The following ATP6V1H variants were observed in gnomAD, a reference collection of about 807,000 sequenced individuals.
The protein encoded by ATP6V1H is V-type proton ATPase subunit H.
ATP6V1H carries 39 observed loss-of-function variants against 71.7 expected under a neutral mutation model. The ratio of observed to expected loss-of-function variants is 0.54; its 90% CI spans 0.42 to 0.71. ATP6V1H has a LOEUF of 0.71. ATP6V1H is among the 30% of genes least tolerant of loss of function. ATP6V1H has a pLI of 0.00. For synonymous variants in ATP6V1H, 192 were observed against 199.3 expected (o/e 0.96, Z 0.31); for missense variants, 509 against 594.9 (o/e 0.86, Z 1.50).
chr8:53,803,084 C>G (rs1309105014), intron 7 of ATP6V1H, among the ~76,000 whole-genome samples: 1 of 152,182 alleles, frequency 6.6e-6, no homozygotes, highest in African/African-American at 2.4e-5. Context: ...CGCCTGTGAT[C>G]CCAGCACTTT....
chr8:53,733,716 A>C (rs1395736467), intron 13 of ATP6V1H, among the ~76,000 whole-genome samples: 2 of 152,162 alleles, frequency 1.3e-5, no homozygotes, highest in Non-Finnish European at 1.5e-5. Context: ...ATGGATCCCA[A>C]ACTTGGCAGT....
chr8:53,769,873 C>T (rs1005294910), intron 10 of ATP6V1H, 130 bp from the exon 11 acceptor site: 2 of 739,254 alleles, frequency 2.7e-6, no homozygotes, highest in Middle Eastern at 3.8e-4. Context: ...TAAAAAACTA[C>T]CACCAAACGA....
At chr8:53,830,742 GA>G (rs1202820698) in intron 3 of ATP6V1H, among the ~76,000 whole-genome samples, 1 of 151,870 alleles carries the variant, frequency 6.6e-6, no homozygotes, top group East Asian at 1.9e-4. Context: ...AAAAAAATGA[GA>G]AAAAAAGAAA....
chr8:53,833,140 G>T, intron 2 of ATP6V1H, 54 bp from the exon 3 acceptor site: 7 of 1,417,006 alleles, frequency 4.9e-6, no homozygotes, highest in Non-Finnish European at 6.9e-6. Context: ...ATGTAAGCAA[G>T]CGATAGAGGA....
intron 4 of ATP6V1H, among the ~76,000 whole-genome samples, chr8:53,822,681 G>C (rs914056919): frequency 1.3e-5 from 2 of 151,958 alleles, no homozygotes; most frequent in African/African-American, 2.4e-5. Context: ...CATAAATGTG[G>C]ATGGTTTAAT....
intron 13 of ATP6V1H, among the ~76,000 whole-genome samples, chr8:53,726,064 A>C (rs1563437301): frequency 6.6e-6 from 1 of 152,130 alleles, no homozygotes. Context: ...ATTCCATTAA[A>C]AACATTAATA....
At chr8:53,827,419 T>C (rs759814079) in intron 4 of ATP6V1H, among the ~76,000 whole-genome samples, 2 of 151,676 alleles carry the variant, frequency 1.3e-5, no homozygotes, top group Admixed American at 6.6e-5. Context: ...AATAATGAAA[T>C]GCACAAGGAT....
At chr8:53,773,712 C>A (rs1336822703) in intron 9 of ATP6V1H, among the ~76,000 whole-genome samples, 2 of 152,168 alleles carry the variant, frequency 1.3e-5, no homozygotes, top group Non-Finnish European at 2.9e-5. Context: ...CTGAATACAG[C>A]TCCAGAATGA....
chr8:53,752,465 C>T (rs1162604413), intron 12 of ATP6V1H, among the ~76,000 whole-genome samples: 1 of 152,234 alleles, frequency 6.6e-6, no homozygotes, highest in African/African-American at 2.4e-5. Context: ...CTCTTGTAGC[C>T]ATTCCTGCCA....
At position 53,772,964 on chromosome 8, in the gene ATP6V1H, T is replaced by C. The variant is rs181024291; in HGVS notation, c.871-797A>G. ...AACTCCAATTGTAAAAAAACTTGAA[T>C]TTTTTTTTCTTTTTACAAGTAAGTT... On this transcript the variant is annotated intron_variant, in intron 9 of 13. Transcript: ENST00000359530. Among the ~76,000 whole-genome samples, 324 of 144,304 alleles carry C rather than the reference T, an allele frequency of 2.2e-3. 2 individuals carry two copies. Among genetic ancestry groups the C allele is most frequent in the African/African-American group, 8.0e-3 (313 of 39,138 alleles). 94.7% of individuals were successfully genotyped at this position (144,304 alleles called of 152,430 possible). A position where few individuals can be genotyped will look rare whatever the true frequency, so the allele number is the denominator to read the frequency against.
At chr8:53,750,593 A>C (rs980334400) in intron 12 of ATP6V1H, among the ~76,000 whole-genome samples, 1 of 152,202 alleles carries the variant, frequency 6.6e-6, no homozygotes, top group Non-Finnish European at 1.5e-5. Flanking sequence ...GACCAGCAAA[A>C]CATTTACTTG....
chr8:53,826,271 T>C (rs1287620468), intron 4 of ATP6V1H, among the ~76,000 whole-genome samples: 1 of 152,220 alleles, frequency 6.6e-6, no homozygotes, highest in African/African-American at 2.4e-5. Flanking sequence ...TGGAGTTACC[T>C]CTTATCCAGC....
intron 13 of ATP6V1H, among the ~76,000 whole-genome samples, chr8:53,729,499 T>C (rs1207378807): frequency 2.0e-5 from 3 of 152,156 alleles, no homozygotes; most frequent in African/African-American, 7.2e-5. Context: ...CATGCCTCAC[T>C]TCCAAGGCAG....
At chr8:53,838,694 C>T (rs368385494) in intron 2 of ATP6V1H, among the ~76,000 whole-genome samples, 35 of 152,118 alleles carry the variant, frequency 2.3e-4, no homozygotes, top group African/African-American at 8.0e-4. Context: ...TAGAACACAG[C>T]CATACCCATT....
chr8:53,774,396 C>A (rs1808789567), intron 9 of ATP6V1H, among the ~76,000 whole-genome samples: 1 of 152,170 alleles, frequency 6.6e-6, no homozygotes, highest in African/African-American at 2.4e-5. Flanking sequence ...AGAGAGAGGA[C>A]AGTTCAGTTT....
chr8:53,782,564 A>G (rs879498318), intron 9 of ATP6V1H, among the ~76,000 whole-genome samples: 45 of 152,084 alleles, frequency 3.0e-4, no homozygotes, highest in Non-Finnish European at 4.6e-4. Flanking sequence ...CCTGGCCATA[A>G]CTTCCAACAC....
chr8:53,736,924 G>A (rs930435424), intron 13 of ATP6V1H, among the ~76,000 whole-genome samples: 9 of 152,226 alleles, frequency 5.9e-5, no homozygotes, highest in Non-Finnish European at 8.8e-5. Flanking sequence ...AACCCCTGAC[G>A]TAACCGCTTG....
chr8:53,782,601 G>A (rs1488251233), intron 9 of ATP6V1H, among the ~76,000 whole-genome samples: 1 of 152,036 alleles, frequency 6.6e-6, no homozygotes, highest in Non-Finnish European at 1.5e-5. Context: ...GGTGAGAGAG[G>A]GCATCCCTGT....
Position 53,833,013 on chromosome 8 carries a change from G to C in ATP6V1H, c.187C>G (p.Gln63Glu), listed in dbSNP as rs1213440193. Residue 63 changes from glutamine to glutamate, a missense_variant, in exon 3 of 14, where the codon CAA (glutamine) becomes GAA (glutamate). Physicochemically the swap from Gln to Glu is conservative, Grantham distance 29. This residue lies in a region of ATP6V1H where 297 missense variants were observed against 303.3 expected (regional missense o/e 0.98). Coordinates refer to ENST00000359530, the MANE Select transcript of ATP6V1H (RefSeq NM_015941.4). ...FEMKRSPEEK[Q>E]EMLQTEGSQC... ...CTGCCTTCAGTTTGAAGCATCTCTT[G>C]CTTCTCTTCAGGGCTTCGTTTCATT... 4 of 1,613,460 alleles carry C rather than the reference G, an allele frequency of 2.5e-6. No individual in the cohort carries two copies. In the Admixed American group the frequency reaches 6.7e-5, roughly 27 times the overall value.
Sources: gnomAD v4.1 joint callset for allele counts (sites outside exome capture counted in the v4.1 genomes callset) on GRCh38, gnomAD v4.1.1 for gene constraint, gnomAD v4.1.1 regional missense constraint, MANE v1.5 for transcripts, NCBI Gene and HGNC (gene_info 2026-07-23, HGNC 2026-07-21) for gene names.